The following YWHAE variants were observed in gnomAD, a reference collection of about 807,000 sequenced individuals.
YWHAE encodes the protein 14-3-3 protein epsilon.
YWHAE carries 4 observed loss-of-function variants against 30.1 expected under a neutral mutation model. The observed-to-expected ratio is 0.13, with a 90% CI of 0.07 to 0.30. The LOEUF (loss-of-function observed/expected upper bound fraction) is 0.30. Among genes scored for constraint, YWHAE ranks in the 10% least tolerant of loss-of-function variants. The pLI is 1.00. For synonymous variants in YWHAE, 118 were observed against 111.8 expected, an observed-to-expected ratio of 1.06 and a Z score of -0.35; for missense variants, 121 against 315.9, an observed-to-expected ratio of 0.38 and a Z score of 4.68.
intron 1 of YWHAE, among the ~76,000 whole-genome samples, chr17:1,385,354 A>C (rs2073284589): frequency 6.6e-6 from 1 of 152,186 alleles, no homozygotes; most frequent in Admixed American, 6.6e-5. Context: ...CCCTGTGATC[A>C]GTCCCCCAGG....
chr17:1,386,970 A>C (rs550044230), intron 1 of YWHAE, among the ~76,000 whole-genome samples: 1 of 152,280 alleles, frequency 6.6e-6, no homozygotes, highest in East Asian at 1.9e-4. Context: ...AAAAAAAAAA[A>C]AAAGAGGAAA....
intron 1 of YWHAE, among the ~76,000 whole-genome samples, chr17:1,372,649 G>A (rs2073059409): frequency 6.6e-6 from 1 of 152,156 alleles, no homozygotes; most frequent in Non-Finnish European, 1.5e-5. Flanking sequence ...AGCCTAACGG[G>A]AGGGAGAGAG....
At chr17:1,347,847 G>T in intron 5 of YWHAE, 1 of 554,918 alleles carries the variant, frequency 1.8e-6, no homozygotes. Flanking sequence ...TTAGGTCAGC[G>T]CCCTGGAAGG....
Position 1,345,239 on chromosome 17 carries a change from T to TA in YWHAE, c.*207dup, listed in dbSNP as rs1342527104. 5.2e-6 allele frequency: 3 copies of TA among 575,366 alleles called. No homozygotes were observed. The African/African-American group carries it at 6.0e-5, about 11-fold the overall frequency. The allele number at this position is 575,366 out of a possible 1,614,324, so 35.6% of individuals were successfully genotyped here. A position where few individuals can be genotyped will look rare whatever the true frequency, so the allele number is the denominator to read the frequency against. ...TAAAGAACCTAAAAGCTGGGACCAG[T>TA]AAAATCCACAGAAATTCACTCTTGC... On this transcript the variant is annotated 3_prime_UTR_variant, in exon 6 of 6. Coordinates refer to ENST00000264335, the MANE Select transcript of YWHAE (RefSeq NM_006761.5).
At chr17:1,376,957 A>G (rs1442734593) in intron 1 of YWHAE, among the ~76,000 whole-genome samples, 1 of 146,384 alleles carries the variant, frequency 6.8e-6, no homozygotes, top group African/African-American at 2.5e-5. Context: ...GACAGAGTCT[A>G]GCTCTGTTGC....
At chr17:1,364,187 G>A (rs2072907500) in intron 2 of YWHAE, among the ~76,000 whole-genome samples, 1 of 149,276 alleles carries the variant, frequency 6.7e-6, no homozygotes, top group Admixed American at 6.7e-5. Flanking sequence ...GAAAAAAAAA[G>A]AGGAATCAGA....
At chr17:1,383,381 CTGTT>C (rs765785038) in intron 1 of YWHAE, among the ~76,000 whole-genome samples, 2 of 137,944 alleles carry the variant, frequency 1.4e-5, no homozygotes, top group Non-Finnish European at 3.0e-5. Context: ...ATTTCACATA[CTGTT>C]TAACTTTTTT....
intron 5 of YWHAE, among the ~76,000 whole-genome samples, chr17:1,350,667 C>T (rs181199419): frequency 0.044 from 6,697 of 151,774 alleles, 159 homozygotes; most frequent in South Asian, 0.051. Context: ...GTCTCAAACT[C>T]CTGACCTCAG....
intron 1 of YWHAE, among the ~76,000 whole-genome samples, chr17:1,392,744 G>A (rs1327767182): frequency 6.6e-6 from 1 of 151,962 alleles, no homozygotes; most frequent in African/African-American, 2.4e-5. Flanking sequence ...CAGCTACTCG[G>A]GAGGCTGAGG....
intron 1 of YWHAE, among the ~76,000 whole-genome samples, chr17:1,385,412 C>T (rs568005635): frequency 8.5e-5 from 13 of 152,236 alleles, no homozygotes; most frequent in East Asian, 3.9e-4. Flanking sequence ...AGGTACACAA[C>T]GAAAAAGTAC....
intron 1 of YWHAE, among the ~76,000 whole-genome samples, chr17:1,398,256 A>G (rs1049784205): frequency 1.3e-5 from 2 of 152,100 alleles, no homozygotes; most frequent in African/African-American, 4.8e-5. Flanking sequence ...CTTCCAATAC[A>G]AGCACATTCA....
At chr17:1,355,055 C>T (rs117666926) in intron 4 of YWHAE, among the ~76,000 whole-genome samples, 5,914 of 111,456 alleles carry the variant, frequency 0.053, 235 homozygotes, top group Middle Eastern at 0.13. Context: ...AGCAATCTTC[C>T]GAACCTTAGC....
chr17:1,396,419 G>A (rs766309548), intron 1 of YWHAE, among the ~76,000 whole-genome samples: 3 of 152,074 alleles, frequency 2.0e-5, no homozygotes, highest in East Asian at 1.9e-4. Flanking sequence ...GCGAGACTCC[G>A]TCTCAAAAGA....
chr17:1,399,862 G>A (rs1218701982), intron 1 of YWHAE, 185 bp downstream of exon 1: 25 of 699,682 alleles, frequency 3.6e-5, no homozygotes, highest in Non-Finnish European at 5.2e-5. Flanking sequence ...CGGCGAAGGG[G>A]TCACATTCCA....
intron 1 of YWHAE, among the ~76,000 whole-genome samples, chr17:1,398,334 T>TCC (rs11389163): frequency 0.036 from 3,631 of 100,706 alleles, 79 homozygotes; most frequent in African/African-American, 0.11. Context: ...CCCCATCTTA[T>TCC]CCCCCCCCCC....
At chr17:1,399,114 A>G (rs1223541752) in intron 1 of YWHAE, 2 of 152,080 alleles carry the variant, frequency 1.3e-5, no homozygotes, top group Non-Finnish European at 2.9e-5. Flanking sequence ...ACAAACTGTA[A>G]AGTCATCGTT....
At chr17:1,353,288 A>C (rs1275566515) in intron 5 of YWHAE, among the ~76,000 whole-genome samples, 2 of 151,858 alleles carry the variant, frequency 1.3e-5, no homozygotes, top group African/African-American at 4.8e-5. Flanking sequence ...AATACAAAAA[A>C]CTAGCCAGGC....
At chr17:1,392,141 T>G (rs188695304) in intron 1 of YWHAE, among the ~76,000 whole-genome samples, 69 of 151,900 alleles carry the variant, frequency 4.5e-4, no homozygotes, top group East Asian at 3.9e-4. Flanking sequence ...GCCATAAATG[T>G]GACACTGCAT....
At chr17:1,374,298 C>G (rs898916902) in intron 1 of YWHAE, among the ~76,000 whole-genome samples, 1 of 144,902 alleles carries the variant, frequency 6.9e-6, no homozygotes, top group African/African-American at 2.6e-5. Flanking sequence ...AGCCTGGCAA[C>G]AGAGCGAGAC....
Sources: gnomAD v4.1 joint callset for allele counts (sites outside exome capture counted in the v4.1 genomes callset) on GRCh38, gnomAD v4.1.1 for gene constraint, MANE v1.5 for transcripts, NCBI Gene and HGNC (gene_info 2026-07-23, HGNC 2026-07-21) for gene names.